ZBTB38: variants seen among roughly 807,000 people sequenced by gnomAD.
ZBTB38 encodes the protein zinc finger and BTB domain-containing protein 38.
Under a neutral mutation model 76.8 loss-of-function variants are expected in ZBTB38, and 20 were observed. The observed-to-expected ratio is 0.26, with a 90% CI of 0.18 to 0.38. The LOEUF (loss-of-function observed/expected upper bound fraction) is 0.38. Among genes scored for constraint, ZBTB38 ranks in the 10% least tolerant of loss-of-function variants. The pLI is 1.00. For synonymous variants in ZBTB38, 504 were observed against 544.2 expected, an observed-to-expected ratio of 0.93 and a Z score of 1.03; for missense variants, 1,082 against 1,482.3, an observed-to-expected ratio of 0.73 and a Z score of 4.43.
chr3:141,397,108 A>G (rs1360712252), intron 4 of ZBTB38, among the ~76,000 whole-genome samples: 1 of 152,244 alleles, frequency 6.6e-6, no homozygotes, highest in Non-Finnish European at 1.5e-5. Context: ...TTTTGTCTAC[A>G]TAGGAAATCT....
At chr3:141,432,174 G>C in intron 5 of ZBTB38, 4 of 985,498 alleles carry the variant, frequency 4.1e-6, no homozygotes, top group Non-Finnish European at 4.8e-6. Flanking sequence ...CTGCGCAGTA[G>C]ATTTCACTTT....
At chr3:141,367,843 C>T (rs557989251), upstream of ZBTB38, 13 of 152,350 alleles carry the variant, frequency 8.5e-5, no homozygotes, top group African/African-American at 3.1e-4. Flanking sequence ...TTTTATTTTA[C>T]AATTATCATT....
chr3:141,418,303 T>C (rs191300257), intron 5 of ZBTB38, among the ~76,000 whole-genome samples: 4 of 152,304 alleles, frequency 2.6e-5, no homozygotes, highest in African/African-American at 7.2e-5. Flanking sequence ...CCTCCCCAAG[T>C]GTGTCATTCT....
chr3:141,347,265 G>A (rs1329187051), intron 1 of ZBTB38, among the ~76,000 whole-genome samples: 1 of 152,148 alleles, frequency 6.6e-6, no homozygotes, highest in Admixed American at 6.5e-5. Flanking sequence ...GTGGTGGGGT[G>A]ATGTGCTTCT....
At position 141,445,673 on chromosome 3, in the gene ZBTB38, C is replaced by G; in HGVS notation, c.3285C>G (p.His1095Gln). 4 of 1,614,230 alleles carry G rather than the reference C, an allele frequency of 2.5e-6. No individual in the cohort carries two copies. The highest frequency in any genetic ancestry group is 3.4e-6 in the Non-Finnish European group (4 of 1,180,040). ...TCCATACTGGAGAAAAGCGTTACCA[C>G]TGTCAGTTCTGCTTTCAGAGATTTT... ...ERIHTGEKRY[H>Q]CQFCFQRFLY... Residue 1095 changes from histidine (H) to glutamine (Q), a missense_variant, in exon 6 of 6, where the codon CAC becomes CAG. This residue lies in a region of ZBTB38 where 69 missense variants were observed against 148.2 expected (regional missense o/e 0.47). Coordinates refer to ENST00000321464, the MANE Select transcript of ZBTB38 (RefSeq NM_001376113.1). The surrounding 1 kb of genome is among the most constrained non-coding windows in gnomAD (Gnocchi z 6.5).
At chr3:141,359,838 G>A (rs898889942) in intron 1 of ZBTB38, among the ~76,000 whole-genome samples, 1 of 152,078 alleles carries the variant, frequency 6.6e-6, no homozygotes, top group Non-Finnish European at 1.5e-5. Flanking sequence ...GGCTGAGGTG[G>A]GAGGATTGCT....
At chr3:141,341,973 C>T (rs996385312) in intron 1 of ZBTB38, among the ~76,000 whole-genome samples, 5 of 152,024 alleles carry the variant, frequency 3.3e-5, no homozygotes, top group African/African-American at 1.2e-4. Flanking sequence ...CAGGGTGAAA[C>T]GTTAGAATGT....
intron 2 of ZBTB38, among the ~76,000 whole-genome samples, chr3:141,380,058 G>T (rs138549865): frequency 4.9e-4 from 75 of 152,244 alleles, no homozygotes; most frequent in African/African-American, 1.6e-3. Context: ...AATTGAGTCA[G>T]TGTGTTGAAT....
At chr3:141,370,124 C>A (rs1438993347) in intron 2 of ZBTB38, among the ~76,000 whole-genome samples, 178 bp downstream of exon 2, 2 of 152,218 alleles carry the variant, frequency 1.3e-5, no homozygotes, top group African/African-American at 4.8e-5. Flanking sequence ...AACCCCAAAT[C>A]TATAATGGCT....
intron 1 of ZBTB38, among the ~76,000 whole-genome samples, chr3:141,362,411 A>T (rs190193819): frequency 6.6e-6 from 1 of 152,300 alleles, no homozygotes; most frequent in Non-Finnish European, 1.5e-5. Context: ...CATCATTAAC[A>T]TAAAATAGAT....
chr3:141,444,520 G>T lies in ZBTB38; in HGVS notation c.2132G>T (p.Gly711Val), dbSNP rs150383184. ...GCCGCCTCTGTGATCAGCTACAGTGGCTCTGCACCCTCGGTCATTGTACAC... is the reference window on the plus strand; with the variant it reads ...GCCGCCTCTGTGATCAGCTACAGTGTCTCTGCACCCTCGGTCATTGTACAC... ...ENAASVISYS[G>V]SAPSVIVHSS... Residue 711 changes from glycine to valine, a missense_variant, in exon 6 of 6, where the codon GGC becomes GTC. Physicochemically the swap from Gly to Val is moderately radical, Grantham distance 109. Coordinates refer to ENST00000321464, the MANE Select transcript of ZBTB38 (RefSeq NM_001376113.1). The surrounding 1 kb of genome is among the most constrained non-coding windows in gnomAD (Gnocchi z 5.1). 2.6e-3 allele frequency: 4,269 copies of T among 1,614,116 alleles called. 5 individuals are homozygous for T. Among genetic ancestry groups the T allele is most frequent in the Non-Finnish European group, 3.2e-3 (3,789 of 1,180,022 alleles).
intron 1 of ZBTB38, among the ~76,000 whole-genome samples, chr3:141,335,815 C>CTGTT (rs1943001287): frequency 1.3e-5 from 2 of 152,162 alleles, no homozygotes; most frequent in Non-Finnish European, 2.9e-5. Context: ...TTATGTGTAT[C>CTGTT]TGTTTATTTA....
chr3:141,339,367 A>C (rs1943106640), intron 1 of ZBTB38, among the ~76,000 whole-genome samples: 1 of 152,202 alleles, frequency 6.6e-6, no homozygotes, highest in Admixed American at 6.5e-5. Flanking sequence ...TGAACAGAAG[A>C]GTAGTATGAT....
At chr3:141,364,551 C>A (rs1044331266), upstream of ZBTB38, among the ~76,000 whole-genome samples, 8 of 151,710 alleles carry the variant, frequency 5.3e-5, no homozygotes, top group Admixed American at 1.3e-4. Context: ...GTGGCACATG[C>A]CTGTAATCCC....
intron 1 of ZBTB38, among the ~76,000 whole-genome samples, chr3:141,343,644 T>C (rs746424027): frequency 1.6e-4 from 25 of 152,144 alleles, no homozygotes; most frequent in Non-Finnish European, 2.6e-4. Flanking sequence ...CCCCTGTTGG[T>C]TGAAGATACC....
At chr3:141,400,984 C>T (rs951596383) in intron 4 of ZBTB38, among the ~76,000 whole-genome samples, 2 of 152,216 alleles carry the variant, frequency 1.3e-5, no homozygotes, top group African/African-American at 4.8e-5. Context: ...TAGCACTTCC[C>T]AACCCTGGTT....
intron 5 of ZBTB38, among the ~76,000 whole-genome samples, chr3:141,418,952 G>T (rs2074724959): frequency 6.6e-6 from 1 of 152,210 alleles, no homozygotes; most frequent in Non-Finnish European, 1.5e-5. Flanking sequence ...AGACTGATCA[G>T]GAAAGACTGG....
intron 1 of ZBTB38, among the ~76,000 whole-genome samples, chr3:141,362,942 T>C (rs754066290): frequency 3.9e-5 from 6 of 151,972 alleles, no homozygotes; most frequent in Admixed American, 2.0e-4. Flanking sequence ...GGGTTACATA[T>C]GCATTATCTT....
chr3:141,431,364 G>T (rs1035363270), intron 5 of ZBTB38, among the ~76,000 whole-genome samples: 1 of 135,586 alleles, frequency 7.4e-6, no homozygotes, highest in African/African-American at 3.2e-5. Context: ...ATTTGGGGGG[G>T]ACTCTGAGTG....
Sources: gnomAD v4.1 joint callset for allele counts (sites outside exome capture counted in the v4.1 genomes callset) on GRCh38, gnomAD v4.1.1 for gene constraint, gnomAD v4.1.1 regional missense constraint, Gnocchi (gnomAD v3.1) non-coding constraint, MANE v1.5 for transcripts, NCBI Gene and HGNC (gene_info 2026-07-23, HGNC 2026-07-21) for gene names.